Variants in TGM3 observed in about 807,000 individuals in gnomAD.
TGM3 encodes protein-glutamine gamma-glutamyltransferase E.
In TGM3, 52 loss-of-function variants were observed where a neutral mutation model predicts 73.8. That is an observed-to-expected ratio of 0.70 (90% CI 0.56 to 0.89). The LOEUF (loss-of-function observed/expected upper bound fraction) is 0.89. TGM3 is among the 40% of genes least tolerant of loss of function. TGM3 has a pLI of 0.00. For synonymous variants in TGM3, 372 were observed against 354.9 expected (o/e 1.05, Z -0.54); for missense variants, 928 against 909.9 (o/e 1.02, Z -0.26).
At chr20:2,312,259 G>A (rs2084208198) in intron 4 of TGM3, among the ~76,000 whole-genome samples, 1 of 152,004 alleles carries the variant, frequency 6.6e-6, no homozygotes, top group Non-Finnish European at 1.5e-5. Context: ...AATTGGCCAG[G>A]TGTGGTGGCA....
At chr20:2,311,517 AGT>A (rs1360169807) in intron 4 of TGM3, among the ~76,000 whole-genome samples, 1 of 152,116 alleles carries the variant, frequency 6.6e-6, no homozygotes, top group Non-Finnish European at 1.5e-5. Context: ...ACACTTCCTT[AGT>A]GTGCCCACTC....
chr20:2,298,693 G>A (rs2084124945), intron 1 of TGM3, among the ~76,000 whole-genome samples: 1 of 152,174 alleles, frequency 6.6e-6, no homozygotes, highest in African/African-American at 2.4e-5. Context: ...CTCCTCCCAT[G>A]GAAGCGGTCA....
rs144299102 is a variant in TGM3, at chr20:2,330,394, A to G, written c.1334-1608A>G. ...CTGCCTTCAGCTCTGGGTTGAACTT[A>G]CAGCTGGACTAGAGGATGGGAAGGC... On this transcript the variant is annotated intron_variant, in intron 9 of 12. Coordinates refer to ENST00000381458, the MANE Select transcript of TGM3 (RefSeq NM_003245.4). Among the ~76,000 whole-genome samples the G allele has an allele frequency of 9.8e-5, 15 of 152,336 alleles. No homozygotes were observed. The East Asian group carries it at 2.9e-3, about 29-fold the overall frequency.
chr20:2,310,034 G>A (rs936180741), intron 2 of TGM3, 144 bp from the exon 3 acceptor site: 3 of 1,399,806 alleles, frequency 2.1e-6, no homozygotes, highest in African/African-American at 2.8e-5. Flanking sequence ...GATCTGGCCT[G>A]TATGTTTGTT....
In TGM3 at chr20:2,317,461, T is replaced by C. The variant is rs539342653; in HGVS notation, c.959T>C (p.Leu320Pro). 2 of 1,614,216 alleles carry C rather than the reference T, an allele frequency of 1.2e-6. No homozygotes were observed. The highest frequency in any genetic ancestry group is 2.2e-5 in the East Asian group (1 of 44,878). ...DVYYDPMGNP[L>P]DKGSDSVWNF... ...TACTACGACCCCATGGGAAACCCCCTGGACAAGGGTAGTGATAGCGTATGG... is the reference window on the plus strand; with the variant it reads ...TACTACGACCCCATGGGAAACCCCCCGGACAAGGGTAGTGATAGCGTATGG... The change falls in exon 7 of 13, where the codon CTG becomes CCG. Residue 320 changes from leucine to proline, a missense_variant. Leu to Pro is a moderately conservative substitution (Grantham distance 98, BLOSUM62 -3). Coordinates refer to ENST00000381458, the MANE Select transcript of TGM3 (RefSeq NM_003245.4).
intron 11 of TGM3, among the ~76,000 whole-genome samples, chr20:2,335,591 C>T (rs2084345605): frequency 6.6e-6 from 1 of 152,216 alleles, no homozygotes; most frequent in Admixed American, 6.5e-5. Context: ...TCAGCTCATT[C>T]CCTTCTCACT....
At chr20:2,305,489 C>G (rs1194342862) in intron 1 of TGM3, among the ~76,000 whole-genome samples, 1 of 152,228 alleles carries the variant, frequency 6.6e-6, no homozygotes, top group Non-Finnish European at 1.5e-5. Flanking sequence ...GTTAAACTAC[C>G]TGGTCTCTCT....
intron 9 of TGM3, among the ~76,000 whole-genome samples, chr20:2,329,352 C>T (rs2084307060): frequency 6.6e-6 from 1 of 152,260 alleles, no homozygotes; most frequent in East Asian, 1.9e-4. Context: ...ACTTCAAGTC[C>T]AAGTGGGTGC....
At position 2,330,910 on chromosome 20, in the gene TGM3, G is replaced by A. The variant is rs867427960; in HGVS notation, c.1334-1092G>A. Among the ~76,000 whole-genome samples the A allele has an allele frequency of 8.3e-4, 123 of 148,580 alleles. 1 individual carries two copies. Among genetic ancestry groups the A allele is most frequent in the Middle Eastern group, 7.0e-3 (2 of 284 alleles). On this transcript the variant is annotated intron_variant, in intron 9 of 12. Transcript: ENST00000381458. ...AATCCCAGCTACTCGGGAGGCTGAAGCAGGAGAACCTCTTGAACCCAGGAG... is the reference window on the plus strand; with the variant it reads ...AATCCCAGCTACTCGGGAGGCTGAAACAGGAGAACCTCTTGAACCCAGGAG...
At chr20:2,308,553 C>T (rs1032408418) in intron 1 of TGM3, among the ~76,000 whole-genome samples, 1 of 152,162 alleles carries the variant, frequency 6.6e-6, no homozygotes, top group Non-Finnish European at 1.5e-5. Flanking sequence ...TGTTTGTCCT[C>T]GGGTCTTATC....
At position 2,310,065 on chromosome 20, in the gene TGM3, AATATGGCGCTTC is replaced by A. The variant is rs2084194981; in HGVS notation, c.182-110_182-99del. The A allele has an allele frequency of 2.7e-6, 4 of 1,495,778 alleles. No individual in the cohort carries two copies. In the Admixed American group the frequency reaches 7.5e-5, roughly 28 times the overall value. 92.7% of individuals were successfully genotyped at this position (1,495,778 alleles called of 1,614,324 possible). On this transcript the variant is annotated intron_variant, in intron 2 of 12. Coordinates refer to ENST00000381458, the MANE Select transcript of TGM3 (RefSeq NM_003245.4). Reference sequence around the variant, plus strand: ...TTGTTCCAGTTACTTCCAGTGGTAGAATATGGCGCTTCATTGGCTCATGTCCCCCAGAGGGGG... The same window carrying A: ...TTGTTCCAGTTACTTCCAGTGGTAGAATTGGCTCATGTCCCCCAGAGGGGG...
chr20:2,300,388 G>T (rs2084138780), intron 1 of TGM3, among the ~76,000 whole-genome samples: 1 of 152,170 alleles, frequency 6.6e-6, no homozygotes, highest in South Asian at 2.1e-4. Context: ...GGCAGCTGGG[G>T]TTGAGAGCCT....
In TGM3 at chr20:2,328,391, G is replaced by A. The variant is rs2084302367; in HGVS notation, c.1333+26G>A. 5 of 1,612,732 alleles carry A rather than the reference G, an allele frequency of 3.1e-6. No homozygotes were observed. The highest frequency in any genetic ancestry group is 4.2e-6 in the Non-Finnish European group (5 of 1,179,312). On this transcript the variant is annotated intron_variant, in intron 9 of 12. Coordinates refer to ENST00000381458, the MANE Select transcript of TGM3 (RefSeq NM_003245.4). This position sits in a 1 kb window ranked among gnomAD's most constrained non-coding sequence, Gnocchi z 5.2. ...GTAGGAGGGACGCTGGCGGGGCAGT[G>A]CCGCGAGAGGTTCTATTGTGGGAGG...
At chr20:2,310,026 T>A in intron 2 of TGM3, 152 bp from the exon 3 acceptor site, 4 of 1,368,202 alleles carry the variant, frequency 2.9e-6, no homozygotes, top group Non-Finnish European at 4.0e-6. Flanking sequence ...TCAAGAGGGA[T>A]CTGGCCTGTA....
At position 2,340,728 on chromosome 20, in the gene TGM3, C is replaced by A; in HGVS notation, c.*147C>A. 9.7e-7 allele frequency: 1 copy of A among 1,031,510 alleles called. No individual in the cohort carries two copies. The highest frequency in any genetic ancestry group is 1.5e-6 in the Non-Finnish European group (1 of 688,292). The allele number at this position is 1,031,510 out of a possible 1,614,324, so 63.9% of individuals were successfully genotyped here. On this transcript the variant is annotated 3_prime_UTR_variant, in exon 13 of 13. Coordinates refer to ENST00000381458, the MANE Select transcript of TGM3 (RefSeq NM_003245.4). ...AGACATGGACCTCCAGGCTCCAGCACATCCCCCTCTCCTCTCCCCCAGGTT... is the reference window on the plus strand; with the variant it reads ...AGACATGGACCTCCAGGCTCCAGCAAATCCCCCTCTCCTCTCCCCCAGGTT...
rs751950884 is a variant in TGM3, at chr20:2,309,844, C to A, written c.181+14C>A. On this transcript the variant is annotated intron_variant, in intron 2 of 12. Coordinates refer to ENST00000381458, the MANE Select transcript of TGM3 (RefSeq NM_003245.4). ...TTGTCTCCACAGGTACCTGCTCATT[C>A]CCCTCCTTGCCCAAACACACACATA... 4.3e-6 allele frequency: 7 copies of A among 1,613,724 alleles called. No individual in the cohort carries two copies. The African/African-American group carries it at 6.7e-5, about 15-fold the overall frequency.
At chr20:2,324,778 T>C (rs2084277751) in intron 7 of TGM3, among the ~76,000 whole-genome samples, 1 of 152,244 alleles carries the variant, frequency 6.6e-6, no homozygotes, top group Non-Finnish European at 1.5e-5. Flanking sequence ...AACTGTGGCC[T>C]TTCCTTAGAG....
intron 7 of TGM3, among the ~76,000 whole-genome samples, chr20:2,317,941 A>C (rs2875758): frequency 5.0e-4 from 10 of 19,956 alleles, no homozygotes; most frequent in Admixed American, 1.2e-3. Context: ...ATATATATAT[A>C]TCATATATAT....
In TGM3 at chr20:2,340,892, C is replaced by G. The variant is rs1337099154; in HGVS notation, c.*311C>G. ...TTCAATGCTGCAGGATGGACTGGCC[C>G]CTGACCCAGGGACTCTCCAAACGGG... On this transcript the variant is annotated 3_prime_UTR_variant, in exon 13 of 13. Coordinates refer to ENST00000381458, the MANE Select transcript of TGM3 (RefSeq NM_003245.4). 1 of 519,134 alleles carries G rather than the reference C, an allele frequency of 1.9e-6. No homozygotes were observed. Among genetic ancestry groups the G allele is most frequent in the Admixed American group, 2.3e-5 (1 of 44,272 alleles). 32.2% of individuals were successfully genotyped at this position (519,134 alleles called of 1,614,324 possible).
Sources: allele counts gnomAD v4.1 joint callset (sites outside exome capture counted in the v4.1 genomes callset), GRCh38; gene constraint gnomAD v4.1.1; non-coding constraint Gnocchi (gnomAD v3.1); transcripts MANE v1.5; gene names NCBI Gene and HGNC (gene_info 2026-07-23, HGNC 2026-07-21).